Variants in MLIP observed in about 807,000 individuals in gnomAD.
MLIP encodes muscular LMNA interacting protein.
A neutral mutation model predicts 84.8 loss-of-function variants in MLIP; 79 were observed. That is an observed-to-expected ratio of 0.93 (90% CI 0.78 to 1.12). MLIP has a LOEUF of 1.12. Ranked by LOEUF, MLIP falls within the 50% of genes most tolerant of loss-of-function variation. The pLI is 0.00. For missense variants in MLIP, 1,257 were observed against 1,160.6 expected (o/e 1.08, Z -1.21); for synonymous variants, 504 against 463.0 (o/e 1.09, Z -1.14).
intron 4 of MLIP, among the ~76,000 whole-genome samples, chr6:54,147,993 C>T (rs986066017): frequency 3.3e-5 from 5 of 152,162 alleles, no homozygotes; most frequent in African/African-American, 1.2e-4. Flanking sequence ...TCAACTTTTT[C>T]CTAAGGAAAA....
intron 4 of MLIP, among the ~76,000 whole-genome samples, chr6:54,141,137 A>G (rs1772259727): frequency 6.6e-6 from 1 of 152,198 alleles, no homozygotes; most frequent in Non-Finnish European, 1.5e-5. Flanking sequence ...AAATTCAGAT[A>G]TAAAGTGTGT....
At chr6:54,219,259 A>G (rs1338088036) in intron 11 of MLIP, among the ~76,000 whole-genome samples, 1 of 151,180 alleles carries the variant, frequency 6.6e-6, no homozygotes, top group Non-Finnish European at 1.5e-5. Flanking sequence ...AGATACAAAC[A>G]CATTATGCAG....
chr6:54,028,840 A>T (rs1172898545), intron 1 of MLIP: 1 of 151,440 alleles, frequency 6.6e-6, no homozygotes, highest in African/African-American at 2.4e-5. Context: ...GTCTTCCTTG[A>T]CTCTGGCACC....
intron 11 of MLIP, among the ~76,000 whole-genome samples, chr6:54,202,455 G>A (rs1209541509): frequency 6.7e-6 from 1 of 150,196 alleles, no homozygotes; most frequent in Non-Finnish European, 1.5e-5. Flanking sequence ...ATATTTTGAA[G>A]CATTTTAATG....
At chr6:54,072,274 C>T (rs942701902) in intron 1 of MLIP, among the ~76,000 whole-genome samples, 2 of 152,148 alleles carry the variant, frequency 1.3e-5, no homozygotes, top group Non-Finnish European at 2.9e-5. Context: ...TCCAGCCCCT[C>T]ATGCTCAAGA....
At chr6:54,197,556 C>T (rs1428983681) in intron 10 of MLIP, among the ~76,000 whole-genome samples, 2 of 152,016 alleles carry the variant, frequency 1.3e-5, no homozygotes, top group Non-Finnish European at 2.9e-5. Flanking sequence ...TTGATATTTT[C>T]GATTTGGAGA....
intron 12 of MLIP, among the ~76,000 whole-genome samples, chr6:54,236,410 G>A (rs1582587826): frequency 6.6e-6 from 1 of 152,316 alleles, no homozygotes; most frequent in South Asian, 2.1e-4. Context: ...AGACCAGCCT[G>A]GCCAACATGG....
intron 1 of MLIP, among the ~76,000 whole-genome samples, chr6:54,034,272 C>T (rs1169757164): frequency 1.3e-5 from 2 of 152,160 alleles, no homozygotes; most frequent in African/African-American, 2.4e-5. Flanking sequence ...CTGATAATCA[C>T]TAATCTGCTC....
intron 1 of MLIP, among the ~76,000 whole-genome samples, chr6:54,103,939 G>A (rs1228456220): frequency 2.0e-5 from 3 of 152,090 alleles, no homozygotes; most frequent in African/African-American, 4.8e-5. Flanking sequence ...GATACCTTGT[G>A]GGCTAGGGAG....
chr6:54,080,332 G>T (rs1055573767), intron 1 of MLIP, among the ~76,000 whole-genome samples: 7 of 151,874 alleles, frequency 4.6e-5, no homozygotes, highest in Non-Finnish European at 2.9e-5. Flanking sequence ...AAAATTATAT[G>T]TTTATATAAA....
At chr6:54,132,307 G>A (rs971985801) in intron 3 of MLIP, among the ~76,000 whole-genome samples, 1 of 152,110 alleles carries the variant, frequency 6.6e-6, no homozygotes, top group Non-Finnish European at 1.5e-5. Flanking sequence ...TAGGATCAGG[G>A]AGCTAGGAAA....
intron 12 of MLIP, among the ~76,000 whole-genome samples, chr6:54,248,289 G>GTACT (rs1487602284): frequency 3.9e-5 from 6 of 152,140 alleles, no homozygotes; most frequent in African/African-American, 1.4e-4. Context: ...TGTTTTGCCT[G>GTACT]TAGTACTAAG....
In MLIP at chr6:54,137,480, C is replaced by T; in HGVS notation, c.1411C>T (p.Leu471=). Residue 471 remains leucine (L), a synonymous_variant, in exon 4 of 14, where the codon CTG becomes TTG. Coordinates refer to ENST00000502396, the MANE Select transcript of MLIP (RefSeq NM_001281747.2). ...TAAAAAATCTCTCTCAAGTTGTTCC[C>T]TGAGAGCCGGGTCACCAGATCAAGG... is the stretch of plus-strand genomic sequence containing the variant. ...TPKKSLSSCS[L]RAGSPDQGEL... 6.5e-7 allele frequency: 1 copy of T among 1,536,084 alleles called. No individual in the cohort carries two copies. Among genetic ancestry groups the T allele is most frequent in the Non-Finnish European group, 8.7e-7 (1 of 1,146,894 alleles).
At chr6:54,197,481 T>C (rs1778381779) in intron 10 of MLIP, among the ~76,000 whole-genome samples, 1 of 152,054 alleles carries the variant, frequency 6.6e-6, no homozygotes, top group African/African-American at 2.4e-5. Context: ...AAACAGCTAT[T>C]TGTCTTTCAG....
chr6:54,109,924 T>TCTTTCTTTCTTCCTTCCTTCCTTCCTTC, upstream of MLIP, among the ~76,000 whole-genome samples: 2 of 65,902 alleles, frequency 3.0e-5, no homozygotes, highest in East Asian at 5.3e-4. Flanking sequence ...TTTCTTTCTT[T>TCTTTCTTTCTTCCTTCCTTCCTTCCTTC]CTTCCTTCCT....
chr6:54,166,954 G>A lies in MLIP; in HGVS notation c.2500-2574G>A, dbSNP rs370029570. On this transcript the variant is annotated intron_variant, in intron 8 of 13. Coordinates refer to ENST00000502396, the MANE Select transcript of MLIP (RefSeq NM_001281747.2). ...TTCGCTCTTTCATTTGCTCAAGGCC[G>A]AAAACTTTGGTGTCATGTTTTATTC... 1.1e-4 allele frequency among the ~76,000 whole-genome samples: 16 copies of A among 151,932 alleles called. No homozygotes were observed. In the East Asian group the frequency reaches 2.7e-3, roughly 26 times the overall value.
chr6:54,234,221 T>C (rs1781209433), intron 12 of MLIP, among the ~76,000 whole-genome samples: 1 of 152,176 alleles, frequency 6.6e-6, no homozygotes, highest in Non-Finnish European at 1.5e-5. Flanking sequence ...CAACCCTTTT[T>C]AGATGGTGAT....
intron 11 of MLIP, among the ~76,000 whole-genome samples, chr6:54,212,476 T>C (rs1264848781): frequency 6.6e-6 from 1 of 152,212 alleles, no homozygotes; most frequent in Non-Finnish European, 1.5e-5. Flanking sequence ...AATTTATTGT[T>C]TAAGTCAACA....
intron 1 of MLIP, among the ~76,000 whole-genome samples, chr6:54,050,525 T>C (rs544571030): frequency 6.6e-6 from 1 of 152,310 alleles, no homozygotes; most frequent in East Asian, 1.9e-4. Context: ...TATTTTATGG[T>C]TTGGATATTA....
Sources: gnomAD v4.1 joint callset for allele counts (sites outside exome capture counted in the v4.1 genomes callset) on GRCh38, gnomAD v4.1.1 for gene constraint, MANE v1.5 for transcripts, NCBI Gene and HGNC (gene_info 2026-07-23, HGNC 2026-07-21) for gene names.